The following EPB41L4A variants were observed in gnomAD, a reference collection of about 807,000 sequenced individuals.
EPB41L4A encodes the protein erythrocyte membrane protein band 4.1 like 4A, also known as band 4.1-like protein 4A.
Under a neutral mutation model 108.6 loss-of-function variants are expected in EPB41L4A, and 100 were observed. The ratio of observed to expected loss-of-function variants is 0.92; its 90% CI spans 0.78 to 1.09. The LOEUF is 1.09. EPB41L4A is among the 50% of genes least tolerant of loss of function. The pLI is 0.00. For synonymous variants in EPB41L4A, 319 were observed against 289.0 expected, an observed-to-expected ratio of 1.10 and a Z score of -1.05; for missense variants, 1,030 against 842.7, an observed-to-expected ratio of 1.22 and a Z score of -2.75.
chr5:112,241,536 G>A (rs758274373), intron 9 of EPB41L4A, among the ~76,000 whole-genome samples: 15 of 152,094 alleles, frequency 9.9e-5, no homozygotes, highest in African/African-American at 3.4e-4. Context: ...AGCCAAACTT[G>A]AATCAAAAAT....
At position 112,194,653 on chromosome 5, in the gene EPB41L4A, C is replaced by A; in HGVS notation, c.1425-8G>T. On this transcript the variant is annotated splice_polypyrimidine_tract_variant and splice_region_variant and intron_variant, in intron 16 of 22. Coordinates refer to ENST00000261486, the MANE Select transcript of EPB41L4A (RefSeq NM_022140.5). ...TTACAGCGTGAACGTGACCTGAAGA[C>A]AAAAAGGTAAGAACAAAAGAAAAAA... The A allele has an allele frequency of 1.3e-6, 2 of 1,588,872 alleles. No individual in the cohort carries two copies. The highest frequency in any genetic ancestry group is 1.8e-5 in the Admixed American group (1 of 55,134).
At chr5:112,386,166 C>T (rs1040796832) in intron 1 of EPB41L4A, among the ~76,000 whole-genome samples, 1 of 152,192 alleles carries the variant, frequency 6.6e-6, no homozygotes, top group East Asian at 1.9e-4. Context: ...ATAACGAAGG[C>T]ATTATCACCC....
At chr5:112,180,655 A>G (rs1322874613) in intron 18 of EPB41L4A, among the ~76,000 whole-genome samples, 1 of 97,180 alleles carries the variant, frequency 1.0e-5, no homozygotes, top group Non-Finnish European at 2.3e-5. Flanking sequence ...ACCCCTTAAG[A>G]TTAAAAAAAA....
intron 1 of EPB41L4A, among the ~76,000 whole-genome samples, chr5:112,367,850 C>CTGAACAAACTGAACTCAGTACCT (rs1561613804): frequency 0.012 from 1,859 of 149,926 alleles, 49 homozygotes; most frequent in African/African-American, 0.044. Flanking sequence ...ACTCAGTACC[C>CTGAACAAACTGAACTCAGTACCT]GGCTGAACAA....
intron 1 of EPB41L4A, among the ~76,000 whole-genome samples, chr5:112,364,142 T>G (rs540672280): frequency 1.3e-5 from 2 of 152,176 alleles, no homozygotes; most frequent in South Asian, 4.1e-4. Flanking sequence ...TTCTTCAGCC[T>G]CAGCCTCCCG....
At chr5:112,178,492 T>C (rs2150222835) in intron 18 of EPB41L4A, among the ~76,000 whole-genome samples, 1 of 152,262 alleles carries the variant, frequency 6.6e-6, no homozygotes, top group African/African-American at 2.4e-5. Context: ...TCATTCTTCT[T>C]GAGTCTACAG....
chr5:112,158,575 C>T (rs572643346), downstream of EPB41L4A: 386 of 171,066 alleles, frequency 2.3e-3, no homozygotes, highest in Non-Finnish European at 4.1e-3. Context: ...ATACCCGAGA[C>T]TGGATAATTT....
chr5:112,180,317 C>G (rs1173005895), intron 18 of EPB41L4A, among the ~76,000 whole-genome samples: 1 of 152,136 alleles, frequency 6.6e-6, no homozygotes, highest in African/African-American at 2.4e-5. Flanking sequence ...AGAATTTACA[C>G]TGCTTTATTC....
At chr5:112,235,416 A>G (rs1281952979) in intron 11 of EPB41L4A, among the ~76,000 whole-genome samples, 1 of 152,164 alleles carries the variant, frequency 6.6e-6, no homozygotes, top group Non-Finnish European at 1.5e-5. Context: ...GTGAACATTC[A>G]CCTTACTAAC....
At chr5:112,271,420 C>G (rs912574490) in intron 4 of EPB41L4A, among the ~76,000 whole-genome samples, 1 of 152,306 alleles carries the variant, frequency 6.6e-6, no homozygotes. Flanking sequence ...TGCAAGTACA[C>G]TCTTACATAT....
At chr5:112,237,061 A>C (rs1002963950) in intron 11 of EPB41L4A, among the ~76,000 whole-genome samples, 5 of 152,168 alleles carry the variant, frequency 3.3e-5, no homozygotes, top group African/African-American at 1.2e-4. Context: ...CTCAATTCTC[A>C]AGTGTAAATT....
At chr5:112,150,973 T>C (rs925067397) in intron 12 of EPB41L4A, among the ~76,000 whole-genome samples, 4 of 152,180 alleles carry the variant, frequency 2.6e-5, no homozygotes, top group African/African-American at 9.6e-5. Flanking sequence ...AATTTGCATA[T>C]GAATCACCTG....
intron 1 of EPB41L4A, among the ~76,000 whole-genome samples, chr5:112,315,831 G>A (rs1755395389): frequency 1.3e-5 from 2 of 151,796 alleles, no homozygotes; most frequent in African/African-American, 4.8e-5. Context: ...AAAAAATAAA[G>A]AAGACTTGAT....
intron 4 of EPB41L4A, among the ~76,000 whole-genome samples, chr5:112,268,699 T>C (rs1332663027): frequency 6.6e-6 from 1 of 151,538 alleles, no homozygotes; most frequent in Admixed American, 6.6e-5. Context: ...AAAAACAAAT[T>C]AGCCAGCCAG....
intron 1 of EPB41L4A, among the ~76,000 whole-genome samples, chr5:112,326,220 T>A (rs1756151382): frequency 1.3e-5 from 2 of 152,202 alleles, no homozygotes; most frequent in Middle Eastern, 6.8e-3. Context: ...TGCCTCTCTT[T>A]CCTAACATTA....
exon 13 of EPB41L4A, chr5:112,145,978 A>G: frequency 2.2e-6 from 1 of 456,650 alleles, no homozygotes; most frequent in Non-Finnish European, 4.4e-6. Flanking sequence ...TGCCCTTTCT[A>G]GGTCTGGAGG....
intron 1 of EPB41L4A, among the ~76,000 whole-genome samples, chr5:112,389,499 A>G (rs1760787230): frequency 1.3e-5 from 2 of 152,218 alleles, no homozygotes; most frequent in Admixed American, 1.3e-4. Flanking sequence ...TCAATCTTAC[A>G]CTGGCATAAT....
At chr5:112,306,611 A>G (rs1044776916) in intron 2 of EPB41L4A, among the ~76,000 whole-genome samples, 21 of 152,016 alleles carry the variant, frequency 1.4e-4, no homozygotes, top group Non-Finnish European at 1.6e-4. Context: ...GATGAAAAAT[A>G]AAAGGCAAGT....
intron 9 of EPB41L4A, among the ~76,000 whole-genome samples, chr5:112,255,835 A>C (rs1267212595): frequency 6.6e-6 from 1 of 152,130 alleles, no homozygotes; most frequent in Non-Finnish European, 1.5e-5. Flanking sequence ...TAGATGTCTA[A>C]AGGACATCTC....
Sources: allele counts gnomAD v4.1 joint callset (sites outside exome capture counted in the v4.1 genomes callset), GRCh38; gene constraint gnomAD v4.1.1; transcripts MANE v1.5; gene names NCBI Gene and HGNC (gene_info 2026-07-23, HGNC 2026-07-21).